The following GRK5 variants were observed in gnomAD, a reference collection of about 807,000 sequenced individuals.
GRK5 encodes g protein-coupled receptor kinase GRK5.
Under a neutral mutation model 78.4 loss-of-function variants are expected in GRK5, and 40 were observed. That is an observed-to-expected ratio of 0.51 (90% CI 0.40 to 0.66). GRK5 has a LOEUF of 0.66. Among genes scored for constraint, GRK5 ranks in the 30% least tolerant of loss-of-function variants. The pLI, the probability that GRK5 is intolerant of heterozygous loss-of-function variation, is 0.00. For synonymous variants in GRK5, 289 were observed against 296.8 expected (o/e 0.97, Z 0.27); for missense variants, 598 against 759.9 (o/e 0.79, Z 2.50).
intron 2 of GRK5, among the ~76,000 whole-genome samples, chr10:119,350,496 G>A (rs1342515281): frequency 1.3e-5 from 2 of 152,162 alleles, no homozygotes; most frequent in Non-Finnish European, 2.9e-5. Flanking sequence ...CTTTGTCACA[G>A]CTCACATTTT....
chr10:119,419,530 T>A (rs1342031410), intron 4 of GRK5, among the ~76,000 whole-genome samples: 2 of 152,234 alleles, frequency 1.3e-5, no homozygotes, highest in Non-Finnish European at 2.9e-5. Flanking sequence ...TGGGTTGGAA[T>A]TGTTTAATCT....
In GRK5 at chr10:119,452,628, C is replaced by T. The variant is rs1164611357; in HGVS notation, c.1405-43C>T. ...AGGCCTGGCTCGGGGCCACTGGAGC[C>T]GCAGGCGGGACATATGTGTGACCGG... On this transcript the variant is annotated intron_variant, in intron 13 of 15. Transcript: ENST00000392870. The surrounding 1 kb of genome is among the most constrained non-coding windows in gnomAD (Gnocchi z 4.4). 17 of 1,610,884 alleles carry T rather than the reference C, an allele frequency of 1.1e-5. No homozygotes were observed. The highest frequency in any genetic ancestry group is 2.2e-5 in the East Asian group (1 of 44,876).
chr10:119,360,103 C>A (rs1851335510), intron 2 of GRK5, among the ~76,000 whole-genome samples: 1 of 137,392 alleles, frequency 7.3e-6, no homozygotes, highest in Admixed American at 7.7e-5. Context: ...GCTGAGGAGG[C>A]CGAGGGAATC....
At position 119,452,532 on chromosome 10, in the gene GRK5, C is replaced by T. The variant is rs1292395163; in HGVS notation, c.1405-139C>T. The T allele has an allele frequency of 2.0e-6, 2 of 1,011,746 alleles. No homozygotes were observed. The highest frequency in any genetic ancestry group is 3.2e-5 in the African/African-American group (2 of 62,440). 62.7% of individuals were successfully genotyped at this position (1,011,746 alleles called of 1,614,324 possible). On this transcript the variant is annotated intron_variant, in intron 13 of 15. Transcript: ENST00000392870. The surrounding 1 kb of genome is among the most constrained non-coding windows in gnomAD (Gnocchi z 4.4). ...CTCACCTGCATCTGAGCCACACACCCTCCAGCCACTACCCATAGCAGTTCT... is the reference window on the plus strand; with the variant it reads ...CTCACCTGCATCTGAGCCACACACCTTCCAGCCACTACCCATAGCAGTTCT...
chr10:119,236,436 G>C (rs933729466), intron 1 of GRK5, among the ~76,000 whole-genome samples: 6 of 152,028 alleles, frequency 3.9e-5, no homozygotes, highest in African/African-American at 7.2e-5. Context: ...GGATGGTCTC[G>C]ATCTCCCGAT....
In GRK5 at chr10:119,378,600, T is replaced by C. The variant is rs1044956122; in HGVS notation, c.149-2215T>C. Among the ~76,000 whole-genome samples the C allele has an allele frequency of 1.3e-5, 2 of 152,144 alleles. No individual in the cohort carries two copies. Among genetic ancestry groups the C allele is most frequent in the Admixed American group, 1.3e-4 (2 of 15,276 alleles). ...GTGCTGAGGCCGTGTCCCCGTGTGG[T>C]GAATAAATGCCCGGGAGGGCGGGCT... On this transcript the variant is annotated intron_variant, in intron 2 of 15. Transcript: ENST00000392870. This position sits in a 1 kb window ranked among gnomAD's most constrained non-coding sequence, Gnocchi z 4.5.
intron 1 of GRK5, among the ~76,000 whole-genome samples, chr10:119,292,239 T>C (rs1294462533): frequency 2.1e-5 from 2 of 95,984 alleles, no homozygotes; most frequent in African/African-American, 4.1e-5. Flanking sequence ...TCTCCTCCTA[T>C]TCCTCCTTCC....
chr10:119,347,371 G>A (rs1184240220), intron 2 of GRK5, among the ~76,000 whole-genome samples: 1 of 151,970 alleles, frequency 6.6e-6, no homozygotes, highest in Non-Finnish European at 1.5e-5. Flanking sequence ...ATGCAAGTTT[G>A]TGCCCATGTG....
At chr10:119,293,592 A>G (rs1036269044) in intron 1 of GRK5, among the ~76,000 whole-genome samples, 1 of 152,218 alleles carries the variant, frequency 6.6e-6, no homozygotes, top group Non-Finnish European at 1.5e-5. Context: ...GCGGATTGCC[A>G]GGTACCAAGT....
At chr10:119,397,941 C>T (rs1229021743) in intron 4 of GRK5, among the ~76,000 whole-genome samples, 2 of 152,270 alleles carry the variant, frequency 1.3e-5, no homozygotes, top group African/African-American at 4.8e-5. Flanking sequence ...AATCCATGCA[C>T]TTCTCTTTCT....
intron 2 of GRK5, among the ~76,000 whole-genome samples, chr10:119,370,545 C>T (rs1386361923): frequency 6.6e-6 from 1 of 152,174 alleles, no homozygotes; most frequent in East Asian, 1.9e-4. Context: ...TGTTGCTAAC[C>T]ACATACCAAA....
At chr10:119,209,682 T>C (rs1254041923) in intron 1 of GRK5, among the ~76,000 whole-genome samples, 2 of 151,874 alleles carry the variant, frequency 1.3e-5, no homozygotes, top group African/African-American at 2.4e-5. Flanking sequence ...CACGGTTGTG[T>C]ATCTCAGGAT....
At chr10:119,385,331 C>T (rs1043297864) in intron 3 of GRK5, among the ~76,000 whole-genome samples, 1 of 152,032 alleles carries the variant, frequency 6.6e-6, no homozygotes, top group Non-Finnish European at 1.5e-5. Flanking sequence ...GGGGTGGGTT[C>T]GTAGCTCATT....
intron 1 of GRK5, among the ~76,000 whole-genome samples, chr10:119,226,934 C>T (rs1681350245): frequency 6.6e-6 from 1 of 152,152 alleles, no homozygotes; most frequent in Non-Finnish European, 1.5e-5. Context: ...TCTTGGCTCA[C>T]TGCCACCTTG....
chr10:119,403,111 C>A (rs1852177520), intron 4 of GRK5, among the ~76,000 whole-genome samples: 2 of 152,190 alleles, frequency 1.3e-5, no homozygotes, highest in Admixed American at 1.3e-4. Context: ...TGTCTCCAGG[C>A]CTATTTCAGA....
Position 119,445,564 on chromosome 10 carries a change from C to T in GRK5, c.1266+1812C>T, listed in dbSNP as rs1853128945. 6.6e-6 allele frequency among the ~76,000 whole-genome samples: 1 copy of T among 152,184 alleles called. No homozygotes were observed. Among genetic ancestry groups the T allele is most frequent in the Non-Finnish European group, 1.5e-5 (1 of 68,026 alleles). Reference sequence around the variant, plus strand: ...GAGAAAGCCTGCTGCTCCCGGAGGACCTGTCCCGTGGGTACAAAACCACTG... The same window carrying T: ...GAGAAAGCCTGCTGCTCCCGGAGGATCTGTCCCGTGGGTACAAAACCACTG... On this transcript the variant is annotated intron_variant, in intron 12 of 15. Coordinates refer to ENST00000392870, the MANE Select transcript of GRK5 (RefSeq NM_005308.3). The surrounding 1 kb of genome is among the most constrained non-coding windows in gnomAD (Gnocchi z 4.1).
At chr10:119,363,968 G>T (rs1020754207) in intron 2 of GRK5, among the ~76,000 whole-genome samples, 1 of 152,194 alleles carries the variant, frequency 6.6e-6, no homozygotes, top group African/African-American at 2.4e-5. Flanking sequence ...ACTATGCATG[G>T]GTTCACGCCT....
At chr10:119,283,889 T>C (rs936897921) in intron 1 of GRK5, among the ~76,000 whole-genome samples, 1 of 152,204 alleles carries the variant, frequency 6.6e-6, no homozygotes, top group African/African-American at 2.4e-5. Flanking sequence ...TGGCATGTCA[T>C]AGGGAGATAG....
At chr10:119,436,401 C>T (rs557053333) in intron 8 of GRK5, among the ~76,000 whole-genome samples, 5 of 152,378 alleles carry the variant, frequency 3.3e-5, no homozygotes, top group South Asian at 2.1e-4. Flanking sequence ...ACTGGGAGGT[C>T]GGGGTGCTAG....
Sources: gnomAD v4.1 joint callset for allele counts (sites outside exome capture counted in the v4.1 genomes callset) on GRCh38, gnomAD v4.1.1 for gene constraint, Gnocchi (gnomAD v3.1) non-coding constraint, MANE v1.5 for transcripts, NCBI Gene and HGNC (gene_info 2026-07-23, HGNC 2026-07-21) for gene names.